The following EBF4 variants were observed in gnomAD, a reference collection of about 807,000 sequenced individuals.
EBF4 encodes the protein EBF transcription factor 4.
In EBF4, 34 loss-of-function variants were observed where a neutral mutation model predicts 67.1. The observed-to-expected ratio is 0.51, with a 90% CI of 0.39 to 0.67. The LOEUF (loss-of-function observed/expected upper bound fraction) is 0.67, where lower values mean the gene tolerates loss of function less well. EBF4 is among the 30% of genes least tolerant of loss of function. The pLI, the probability that EBF4 is intolerant of heterozygous loss-of-function variation, is 0.00. For missense variants in EBF4, 837 were observed against 873.3 expected, an observed-to-expected ratio of 0.96 and a Z score of 0.52; for synonymous variants, 387 against 377.7, an observed-to-expected ratio of 1.02 and a Z score of -0.29.
At chr20:2,699,047 G>A (rs2087337969) in intron 1 of EBF4, among the ~76,000 whole-genome samples, 2 of 152,266 alleles carry the variant, frequency 1.3e-5, no homozygotes, top group South Asian at 2.1e-4. Flanking sequence ...ACTGTGAGGG[G>A]GGCTTTGTCT....
intron 1 of EBF4, among the ~76,000 whole-genome samples, chr20:2,700,233 T>C (rs887257935): frequency 6.6e-6 from 1 of 152,086 alleles, no homozygotes; most frequent in Non-Finnish European, 1.5e-5. Context: ...TGCTTTCTCA[T>C]CTTTGTCTCA....
chr20:2,713,200 G>A (rs1188017466), intron 6 of EBF4, among the ~76,000 whole-genome samples: 1 of 152,202 alleles, frequency 6.6e-6, no homozygotes, highest in East Asian at 1.9e-4. Context: ...AATTGCTGAA[G>A]CAATATCCTT....
intron 6 of EBF4, among the ~76,000 whole-genome samples, chr20:2,723,129 A>G (rs1181857019): frequency 6.6e-6 from 1 of 152,166 alleles, no homozygotes; most frequent in African/African-American, 2.4e-5. Flanking sequence ...CAGGCTTTTA[A>G]AAACTTTATA....
At chr20:2,750,262 T>A (rs1308241647) in intron 10 of EBF4, among the ~76,000 whole-genome samples, 1 of 152,022 alleles carries the variant, frequency 6.6e-6, no homozygotes, top group Non-Finnish European at 1.5e-5. Flanking sequence ...CCATCTCACC[T>A]CCTGAACATT....
chr20:2,757,149 T>A (rs1227271912), intron 15 of EBF4, among the ~76,000 whole-genome samples: 4 of 151,942 alleles, frequency 2.6e-5, no homozygotes, highest in Non-Finnish European at 5.9e-5. Context: ...GAGGGGGCTG[T>A]GGAAAATGCT....
chr20:2,725,102 C>T (rs766279957), intron 6 of EBF4, among the ~76,000 whole-genome samples: 12 of 152,164 alleles, frequency 7.9e-5, no homozygotes, highest in Non-Finnish European at 1.5e-4. Flanking sequence ...TCTTTTACCA[C>T]GTCTGCAAAT....
chr20:2,697,134 G>C (rs2087301074), intron 1 of EBF4, among the ~76,000 whole-genome samples: 1 of 152,214 alleles, frequency 6.6e-6, no homozygotes, highest in Non-Finnish European at 1.5e-5. Context: ...TCTACAGCTT[G>C]ACTTTTACAA....
chr20:2,754,883 G>A (rs1333302004), intron 14 of EBF4, among the ~76,000 whole-genome samples: 1 of 151,614 alleles, frequency 6.6e-6, no homozygotes, highest in Non-Finnish European at 1.5e-5. Flanking sequence ...GGTGGCTAGG[G>A]AGTTTGAGAG....
In EBF4 at chr20:2,746,371, T is replaced by G. The variant is rs2088050702; in HGVS notation, c.558-2178T>G. 2.6e-5 allele frequency among the ~76,000 whole-genome samples: 4 copies of G among 152,068 alleles called. No individual in the cohort carries two copies. The South Asian group carries it at 8.3e-4, about 32-fold the overall frequency. On this transcript the variant is annotated intron_variant, in intron 6 of 16. Transcript: ENST00000609451. The stretch of plus-strand genomic sequence containing the variant: ...CTGCAGGGTATCCTGCAGGGGTAAA[T>G]GGATTGTCTACACTGTAGGGGTGCA...
chr20:2,702,439 A>G (rs2087390297), intron 1 of EBF4, among the ~76,000 whole-genome samples: 1 of 152,010 alleles, frequency 6.6e-6, no homozygotes, highest in Non-Finnish European at 1.5e-5. Flanking sequence ...AAAAAAAAAA[A>G]AAGATACTGG....
At chr20:2,706,364 C>T in intron 4 of EBF4, 100 bp downstream of exon 4, 1 of 1,365,588 alleles carries the variant, frequency 7.3e-7, no homozygotes, top group Non-Finnish European at 1.0e-6. Flanking sequence ...CCTCATCTCC[C>T]TATGCCCTCC....
At chr20:2,726,909 TA>T (rs2087753822) in intron 6 of EBF4, among the ~76,000 whole-genome samples, 1 of 152,150 alleles carries the variant, frequency 6.6e-6, no homozygotes, top group African/African-American at 2.4e-5. Context: ...CCCGAAACTC[TA>T]TATTTATTAA....
chr20:2,749,780 T>A, intron 9 of EBF4, 27 bp downstream of exon 9: 1 of 1,541,148 alleles, frequency 6.5e-7, no homozygotes. Context: ...AGTCTCCCTC[T>A]GGGCCTAGGG....
chr20:2,710,148 ATTTC>A (rs1310897086), intron 6 of EBF4, among the ~76,000 whole-genome samples: 2 of 152,000 alleles, frequency 1.3e-5, no homozygotes, highest in African/African-American at 2.4e-5. Context: ...CATGATTTCT[ATTTC>A]TTTATTTTGT....
chr20:2,695,489 C>CAG (rs5839967), intron 1 of EBF4, among the ~76,000 whole-genome samples: 47,784 of 151,850 alleles, frequency 0.31, 8,347 homozygotes, highest in African/African-American at 0.47. Context: ...TGCTGGGATG[C>CAG]AGAGGGCTTC....
intron 5 of EBF4, among the ~76,000 whole-genome samples, chr20:2,708,843 C>T (rs575004302): frequency 2.6e-5 from 4 of 152,334 alleles, no homozygotes; most frequent in African/African-American, 7.2e-5. Flanking sequence ...CTGCTGGCCA[C>T]GCAGCACTTC....
In EBF4 at chr20:2,752,134, A is replaced by AC; in HGVS notation, c.1228dup (p.Arg410ProfsTer109). On this transcript the variant is annotated frameshift_variant, in exon 13 of 17. Transcript: ENST00000609451. LOFTEE classifies it high-confidence loss of function. ...GGACGTGGCCGAGGCTCTGTACAGC[A>AC]CCCCCCGCGCACCCGGGCCGCTCGC... is the stretch of plus-strand genomic sequence containing the variant. The AC allele has an allele frequency of 6.2e-6, 9 of 1,448,942 alleles. No individual in the cohort carries two copies. Among genetic ancestry groups the AC allele is most frequent in the South Asian group, 2.7e-5 (2 of 73,706 alleles). 89.8% of individuals were successfully genotyped at this position (1,448,942 alleles called of 1,614,324 possible).
chr20:2,750,325 A>G (rs537216298), intron 10 of EBF4, among the ~76,000 whole-genome samples: 34 of 152,124 alleles, frequency 2.2e-4, no homozygotes, highest in South Asian at 4.1e-4. Flanking sequence ...AGGGATGTTT[A>G]TTCCAAAGAT....
intron 6 of EBF4, 89 bp downstream of exon 6, chr20:2,709,731 A>C: frequency 7.5e-7 from 1 of 1,333,072 alleles, no homozygotes; most frequent in Non-Finnish European, 9.9e-7. Flanking sequence ...GGCTCAAGGG[A>C]GGAGCGGAGC....
Sources: gnomAD v4.1 joint callset for allele counts (sites outside exome capture counted in the v4.1 genomes callset) on GRCh38, gnomAD v4.1.1 for gene constraint, MANE v1.5 for transcripts, NCBI Gene and HGNC (gene_info 2026-07-23, HGNC 2026-07-21) for gene names.